Variants in CPE observed in about 807,000 individuals in gnomAD.
CPE encodes carboxypeptidase E, also known as carbocypeptidase E.
In CPE, 17 loss-of-function variants were observed where a neutral mutation model predicts 53.5. That is an observed-to-expected ratio of 0.32 (90% CI 0.22 to 0.48). The LOEUF (loss-of-function observed/expected upper bound fraction) is 0.48. Among genes scored for constraint, CPE ranks in the 20% least tolerant of loss-of-function variants. The pLI is 0.99. For missense variants in CPE, 524 were observed against 614.7 expected, an observed-to-expected ratio of 0.85 and a Z score of 1.56; for synonymous variants, 226 against 228.8, an observed-to-expected ratio of 0.99 and a Z score of 0.11.
intron 1 of CPE, among the ~76,000 whole-genome samples, chr4:165,445,459 T>C (rs938623062): frequency 2.0e-5 from 3 of 152,158 alleles, no homozygotes; most frequent in Non-Finnish European, 2.9e-5. Context: ...GGTTTTGGTA[T>C]TTTCTTTGAA....
At chr4:165,434,257 G>A (rs569691608) in intron 1 of CPE, among the ~76,000 whole-genome samples, 2 of 152,124 alleles carry the variant, frequency 1.3e-5, no homozygotes, top group Middle Eastern at 6.8e-3. Context: ...TCAACATTTT[G>A]TCTAGTGCTT....
At chr4:165,395,834 A>G (rs1659298749) in intron 1 of CPE, among the ~76,000 whole-genome samples, 1 of 152,132 alleles carries the variant, frequency 6.6e-6, no homozygotes, top group African/African-American at 2.4e-5. Flanking sequence ...ATTACAAAAA[A>G]CCCCCAAAAC....
chr4:165,417,408 T>G (rs1239117408), intron 1 of CPE, among the ~76,000 whole-genome samples: 1 of 152,230 alleles, frequency 6.6e-6, no homozygotes. Flanking sequence ...TTATCTCTTT[T>G]CATTCAACAA....
chr4:165,440,041 A>G (rs1039688144), intron 1 of CPE, among the ~76,000 whole-genome samples: 3 of 152,228 alleles, frequency 2.0e-5, no homozygotes, highest in Non-Finnish European at 4.4e-5. Flanking sequence ...ATATTGTTAC[A>G]TAGCTTTGCA....
At chr4:165,448,339 A>G (rs1239458654) in intron 1 of CPE, among the ~76,000 whole-genome samples, 1 of 152,202 alleles carries the variant, frequency 6.6e-6, no homozygotes, top group African/African-American at 2.4e-5. Flanking sequence ...TAAATATATC[A>G]TTTATAATTC....
At chr4:165,456,805 G>A (rs544999012) in intron 1 of CPE, among the ~76,000 whole-genome samples, 1 of 145,212 alleles carries the variant, frequency 6.9e-6, no homozygotes, top group East Asian at 2.1e-4. Context: ...ATAGTGGCAC[G>A]ATCTTGGCTC....
At chr4:165,483,678 A>C (rs942000527) in intron 4 of CPE, among the ~76,000 whole-genome samples, 1 of 152,208 alleles carries the variant, frequency 6.6e-6, no homozygotes, top group Non-Finnish European at 1.5e-5. Flanking sequence ...AAGTCATGTA[A>C]TATGATATTG....
chr4:165,497,888 A>G lies in CPE; in HGVS notation c.*278A>G, dbSNP rs1732731205. The G allele has an allele frequency of 5.4e-6, 1 of 185,780 alleles. No homozygotes were observed. The highest frequency in any genetic ancestry group is 1.1e-5 in the Non-Finnish European group (1 of 90,900). 11.5% of individuals were successfully genotyped at this position (185,780 alleles called of 1,614,324 possible). On this transcript the variant is annotated 3_prime_UTR_variant, in exon 9 of 9. Transcript: ENST00000402744. ...TTTTGCCATCCTAGGCTTAAATGCA[A>G]TATTCCTGGTATTATTTACAATGCA...
Position 165,405,362 on chromosome 4 carries a change from T to A in CPE, c.307+25834T>A, listed in dbSNP as rs1199801217. The A allele has an allele frequency of 2.1e-6, 3 of 1,401,488 alleles. No individual in the cohort carries two copies. In the African/African-American group the frequency reaches 4.2e-5, roughly 20 times the overall value. The allele number at this position is 1,401,488 out of a possible 1,614,324, so 86.8% of individuals were successfully genotyped here. A position where few individuals can be genotyped will look rare whatever the true frequency, so the allele number is the denominator to read the frequency against. On this transcript the variant is annotated intron_variant, in intron 1 of 8. Coordinates refer to ENST00000402744, the MANE Select transcript of CPE (RefSeq NM_001873.4). ...GAGTCCCATCAAGGCCTTTGATTCT[T>A]TGGTCATTGCAAGCTCTCCGAATTT...
At chr4:165,484,371 G>C (rs768126740) in intron 4 of CPE, 51 bp from the exon 5 acceptor site, 1 of 1,532,270 alleles carries the variant, frequency 6.5e-7, no homozygotes, top group Admixed American at 1.7e-5. Flanking sequence ...AAAACATGCT[G>C]TGCTGCTTGG....
In CPE at chr4:165,397,510, C is replaced by T. The variant is rs183337987; in HGVS notation, c.307+17982C>T. Among the ~76,000 whole-genome samples, 572 of 152,256 alleles carry T rather than the reference C, an allele frequency of 3.8e-3. 7 individuals carry two copies. The highest frequency in any genetic ancestry group is 0.011 in the African/African-American group (449 of 41,536). Reference sequence around the variant, plus strand: ...CCTTCTGATATTAGCTCCTCTCTTCCCTTCTTGGGGAAATGTTCCTTCTTA... The same window carrying T: ...CCTTCTGATATTAGCTCCTCTCTTCTCTTCTTGGGGAAATGTTCCTTCTTA... On this transcript the variant is annotated intron_variant, in intron 1 of 8. Transcript: ENST00000402744.
intron 1 of CPE, among the ~76,000 whole-genome samples, chr4:165,419,768 C>G (rs1267461360): frequency 6.6e-6 from 1 of 152,086 alleles, no homozygotes; most frequent in African/African-American, 2.4e-5. Context: ...GAAGAAAGCT[C>G]CAGAAGAGAT....
chr4:165,395,699 G>A (rs1730752055), intron 1 of CPE, among the ~76,000 whole-genome samples: 1 of 152,050 alleles, frequency 6.6e-6, no homozygotes, highest in South Asian at 2.1e-4. Context: ...TAGTTCAAAG[G>A]GATTACATGA....
Position 165,433,199 on chromosome 4 carries a change from C to G in CPE, c.308-31191C>G, listed in dbSNP as rs1393723821. ...TCCTTGTTAGGCAGAGACAGGGAGA[C>G]AGAGGAATAGAAAGGTAATGGATTG... On this transcript the variant is annotated intron_variant, in intron 1 of 8. Transcript: ENST00000402744. Among the ~76,000 whole-genome samples, 10 of 152,222 alleles carry G rather than the reference C, an allele frequency of 6.6e-5. No homozygotes were observed. The East Asian group carries it at 1.9e-3, about 29-fold the overall frequency.
chr4:165,411,211 A>G (rs1408693921), intron 1 of CPE, among the ~76,000 whole-genome samples: 4 of 152,254 alleles, frequency 2.6e-5, no homozygotes, highest in South Asian at 4.2e-4. Context: ...ACAAAAAGAC[A>G]TTGTTGGAAA....
chr4:165,429,152 T>C (rs1436209906), intron 1 of CPE, among the ~76,000 whole-genome samples: 2 of 152,190 alleles, frequency 1.3e-5, no homozygotes, highest in African/African-American at 4.8e-5. Context: ...CAATTTGGGT[T>C]GGGCTCAGCT....
At chr4:165,424,055 T>C (rs1297040038) in intron 1 of CPE, among the ~76,000 whole-genome samples, 1 of 139,954 alleles carries the variant, frequency 7.1e-6, no homozygotes, top group Non-Finnish European at 1.6e-5. Flanking sequence ...GTTGCTTTCT[T>C]CTGTAATTGT....
At chr4:165,403,718 T>A (rs1730908336) in intron 1 of CPE, among the ~76,000 whole-genome samples, 1 of 151,754 alleles carries the variant, frequency 6.6e-6, no homozygotes, top group Admixed American at 6.6e-5. Context: ...TATGTGTTTG[T>A]CTGGGTGCAG....
chr4:165,460,652 C>A (rs1731983803), intron 1 of CPE, among the ~76,000 whole-genome samples: 1 of 152,164 alleles, frequency 6.6e-6, no homozygotes, highest in South Asian at 2.1e-4. Context: ...TGCAGCTGCA[C>A]CTCTGTCTCA....
Sources: gnomAD v4.1 joint callset for allele counts (sites outside exome capture counted in the v4.1 genomes callset) on GRCh38, gnomAD v4.1.1 for gene constraint, MANE v1.5 for transcripts, NCBI Gene and HGNC (gene_info 2026-07-23, HGNC 2026-07-21) for gene names.